Variants in CKLF observed in about 807,000 individuals in gnomAD.
The protein encoded by CKLF is chemokine like factor, also known as chemokine-like factor.
Under a neutral mutation model 12.9 loss-of-function variants are expected in CKLF, and 16 were observed. The observed-to-expected ratio is 1.24, with a 90% confidence interval of 0.84 to 1.88. The LOEUF (loss-of-function observed/expected upper bound fraction) is 1.88. CKLF is among the 40% of genes most tolerant of loss of function. The pLI, the probability that CKLF is intolerant of heterozygous loss-of-function variation, is 0.00. For synonymous variants in CKLF, 61 were observed against 69.0 expected (o/e 0.88, Z 0.57); for missense variants, 172 against 188.5 (o/e 0.91, Z 0.51).
rs577907550 is a variant in CKLF, at chr16:66,554,414, A to T, written c.78+1621A>T. On this transcript the variant is annotated intron_variant, in intron 1 of 3. Transcript: ENST00000264001. Reference sequence around the variant, plus strand: ...AGGCAAAAAATAGCACAATTGATGCAGAGAAATATAAGAAGTTGAGTGTTA... The same window carrying T: ...AGGCAAAAAATAGCACAATTGATGCTGAGAAATATAAGAAGTTGAGTGTTA... Among the ~76,000 whole-genome samples, 3 of 152,374 alleles carry T rather than the reference A, an allele frequency of 2.0e-5. No homozygotes were observed. In the South Asian group the frequency reaches 6.2e-4, roughly 32 times the overall value.
chr16:66,556,134 A>G (rs1597125562), intron 1 of CKLF, among the ~76,000 whole-genome samples: 2 of 152,108 alleles, frequency 1.3e-5, no homozygotes, highest in East Asian at 3.9e-4. Flanking sequence ...TACAGGGGAG[A>G]ATAAAAGGAG....
intron 1 of CKLF, among the ~76,000 whole-genome samples, chr16:66,557,946 G>C (rs2011513508): frequency 6.6e-6 from 1 of 152,102 alleles, no homozygotes; most frequent in African/African-American, 2.4e-5. Flanking sequence ...TTATATGTGT[G>C]TGTATATGGC....
chr16:66,560,443 G>A (rs2011630462), intron 2 of CKLF, among the ~76,000 whole-genome samples: 1 of 152,138 alleles, frequency 6.6e-6, no homozygotes, highest in Non-Finnish European at 1.5e-5. Flanking sequence ...GGAAGAATAT[G>A]TTTAAGGAAG....
intron 1 of CKLF, among the ~76,000 whole-genome samples, chr16:66,557,778 G>A (rs570501550): frequency 3.7e-4 from 56 of 152,178 alleles, no homozygotes; most frequent in Non-Finnish European, 7.2e-4. Flanking sequence ...AAGGGGGAAC[G>A]GAGGTACTTG....
intron 2 of CKLF, among the ~76,000 whole-genome samples, chr16:66,562,374 A>T (rs1304565548): frequency 6.6e-6 from 1 of 152,180 alleles, no homozygotes; most frequent in Non-Finnish European, 1.5e-5. Context: ...TTAGTAACTT[A>T]AAGTTTGATA....
chr16:66,552,563 A>C, upstream of CKLF: 127 of 1,105,058 alleles, frequency 1.1e-4, no homozygotes, highest in East Asian at 1.3e-4. Context: ...CGCCGTGCGC[A>C]TGCGCGCAAG....
chr16:66,558,416 G>GT, intron 2 of CKLF, 68 bp downstream of exon 2: 1 of 1,549,046 alleles, frequency 6.5e-7, no homozygotes, highest in South Asian at 1.3e-5. Flanking sequence ...AATGAACTCT[G>GT]TTTTTTGCTT....
chr16:66,563,834 A>G (rs2011927688), intron 3 of CKLF, among the ~76,000 whole-genome samples: 1 of 152,208 alleles, frequency 6.6e-6, no homozygotes, highest in South Asian at 2.1e-4. Flanking sequence ...TCTATCTGAT[A>G]TTCTTCTAAG....
At chr16:66,564,476 T>C (rs566634752) in intron 3 of CKLF, among the ~76,000 whole-genome samples, 1 of 150,564 alleles carries the variant, frequency 6.6e-6, no homozygotes, top group African/African-American at 2.4e-5. Context: ...TTTCTTTTTT[T>C]TTTTTTTCTG....
downstream of CKLF, chr16:66,566,125 A>G (rs2012281550): frequency 3.1e-6 from 5 of 1,609,202 alleles, no homozygotes; most frequent in Non-Finnish European, 2.5e-6. This position sits in a 1 kb window ranked among gnomAD's most constrained non-coding sequence, Gnocchi z 4.9. Flanking sequence ...AGATTTCCGA[A>G]GTCTGCACCC....
intron 2 of CKLF, among the ~76,000 whole-genome samples, chr16:66,560,677 C>T (rs2011644242): frequency 6.6e-6 from 1 of 151,988 alleles, no homozygotes; most frequent in South Asian, 2.1e-4. Flanking sequence ...GAAACGCCAA[C>T]ATATGAGATG....
chr16:66,555,807 T>G (rs1344503695), intron 1 of CKLF, among the ~76,000 whole-genome samples: 1 of 152,014 alleles, frequency 6.6e-6, no homozygotes, highest in Non-Finnish European at 1.5e-5. Flanking sequence ...AAGGCAGTAG[T>G]TGTAAGGATG....
At chr16:66,560,798 TACACACACAC>T (rs58084691) in intron 2 of CKLF, among the ~76,000 whole-genome samples, 122 of 143,756 alleles carry the variant, frequency 8.5e-4, no homozygotes, top group East Asian at 2.5e-3. Context: ...AAGATAAGTA[TACACACACAC>T]ACACACACAC....
intron 2 of CKLF, among the ~76,000 whole-genome samples, chr16:66,559,858 A>G (rs917065549): frequency 1.3e-5 from 2 of 152,204 alleles, no homozygotes; most frequent in East Asian, 3.8e-4. Context: ...ATCCTTTCTG[A>G]TCTTGATCTA....
At position 66,565,971 on chromosome 16, in the gene CKLF, AC is replaced by A; in HGVS notation, c.421del (p.Gln141ArgfsTer?). On this transcript the variant is annotated frameshift_variant, in exon 4 of 4. Transcript: ENST00000264001. LOFTEE classifies it low-confidence loss of function (END_TRUNC). ...CTTCTGTTCAATCCCAGCGGTCCTTACCAGAAAAAGCCTGTGCATGAAAAAA... is the reference window on the plus strand; with the variant it reads ...CTTCTGTTCAATCCCAGCGGTCCTTACAGAAAAAGCCTGTGCATGAAAAAA... ...RKLLFNPSGP[Y>X]QKKPVHEKKE... 1 of 1,613,580 alleles carries A rather than the reference AC, an allele frequency of 6.2e-7. No individual in the cohort carries two copies.
chr16:66,565,712 TGAG>T lies in CKLF; in HGVS notation c.334-170_334-168del, dbSNP rs2012208522. ...GGCAAGTATTTAGAAAACTTAGCAATGAGGAGAATAAGATGATCTCTGAAGTCT... is the reference window on the plus strand; with the variant it reads ...GGCAAGTATTTAGAAAACTTAGCAATGAGAATAAGATGATCTCTGAAGTCT... On this transcript the variant is annotated intron_variant, in intron 3 of 3. Coordinates refer to ENST00000264001, the MANE Select transcript of CKLF (RefSeq NM_016951.4). The T allele has an allele frequency of 7.8e-6, 5 of 644,128 alleles. No individual in the cohort carries two copies. In the South Asian group the frequency reaches 7.9e-5, roughly 10 times the overall value. The allele number at this position is 644,128 out of a possible 1,614,324, so 39.9% of individuals were successfully genotyped here. A position where few individuals can be genotyped will look rare whatever the true frequency, so the allele number is the denominator to read the frequency against.
At chr16:66,556,393 T>C (rs2011454735) in intron 1 of CKLF, among the ~76,000 whole-genome samples, 1 of 151,888 alleles carries the variant, frequency 6.6e-6, no homozygotes, top group Non-Finnish European at 1.5e-5. Flanking sequence ...ATCCATAGAG[T>C]GGTAATGTCT....
At chr16:66,553,773 GA>G (rs1222372645) in intron 1 of CKLF, among the ~76,000 whole-genome samples, 2 of 152,178 alleles carry the variant, frequency 1.3e-5, no homozygotes, top group Non-Finnish European at 2.9e-5. Context: ...TACATTCCCA[GA>G]CAAAAGTACC....
intron 2 of CKLF, 157 bp downstream of exon 2, chr16:66,558,505 T>C (rs891126846): frequency 2.1e-5 from 22 of 1,042,880 alleles, no homozygotes; most frequent in Non-Finnish European, 1.5e-5. Context: ...CTGTATTGCT[T>C]TGGGAGAGGG....
Sources: allele counts gnomAD v4.1 joint callset (sites outside exome capture counted in the v4.1 genomes callset), GRCh38; gene constraint gnomAD v4.1.1; non-coding constraint Gnocchi (gnomAD v3.1); transcripts MANE v1.5; gene names NCBI Gene and HGNC (gene_info 2026-07-23, HGNC 2026-07-21).